The following LINGO2 variants were observed in gnomAD, a reference collection of about 807,000 sequenced individuals.
LINGO2 encodes leucine-rich repeat and immunoglobulin-like domain-containing nogo receptor-interacting protein 2.
In LINGO2, 14 loss-of-function variants were observed where a neutral mutation model predicts 30.6. The ratio of observed to expected loss-of-function variants is 0.46; its 90% CI spans 0.30 to 0.72. The LOEUF (loss-of-function observed/expected upper bound fraction) is 0.72. Among genes scored for constraint, LINGO2 ranks in the 30% least tolerant of loss-of-function variants. The probability of loss-of-function intolerance (pLI) is 0.07; values close to 1 mark genes in which losing one functional copy is unlikely to be tolerated. For synonymous variants in LINGO2, 317 were observed against 288.5 expected (o/e 1.10, Z -1.00); for missense variants, 729 against 751.7 (o/e 0.97, Z 0.35).
chr9:28,948,250 T>C, the LINGO2 span, among the ~76,000 whole-genome samples: 1 of 152,112 alleles, frequency 6.6e-6, no homozygotes, highest in South Asian at 2.1e-4. Flanking sequence ...AGAAAAATAA[T>C]TTGAATATAT....
intron 1 of LINGO2, among the ~76,000 whole-genome samples, chr9:28,545,636 C>G (rs1181245168): frequency 6.6e-6 from 1 of 151,660 alleles, no homozygotes; most frequent in Non-Finnish European, 1.5e-5. Flanking sequence ...CTTGGTAGTA[C>G]AAGTGAAAGG....
the LINGO2 span, among the ~76,000 whole-genome samples, chr9:28,733,153 C>T: frequency 2.0e-5 from 3 of 152,098 alleles, no homozygotes; most frequent in Admixed American, 6.5e-5. Context: ...TTAACTTCAG[C>T]CTTAGAAATC....
At chr9:28,290,354 C>A (rs1823676811) in intron 4 of LINGO2, among the ~76,000 whole-genome samples, 1 of 152,162 alleles carries the variant, frequency 6.6e-6, no homozygotes, top group Non-Finnish European at 1.5e-5. Flanking sequence ...TACGCCTCAC[C>A]ATTGCAGTGC....
At chr9:28,699,042 A>AAAAAC in the LINGO2 span, among the ~76,000 whole-genome samples, 18,271 of 149,914 alleles carry the variant, frequency 0.12, 1,323 homozygotes, top group African/African-American at 0.2. Context: ...ACCCTGCCTC[A>AAAAAC]AAAACAAAAC....
At chr9:28,638,964 T>C (rs977908784) in intron 1 of LINGO2, among the ~76,000 whole-genome samples, 2 of 152,178 alleles carry the variant, frequency 1.3e-5, no homozygotes, top group Non-Finnish European at 2.9e-5. Context: ...TTTAGTGCTA[T>C]AAATTTCCTT....
intron 4 of LINGO2, among the ~76,000 whole-genome samples, chr9:28,294,329 C>T (rs1823848446): frequency 6.6e-6 from 1 of 152,148 alleles, no homozygotes; most frequent in Non-Finnish European, 1.5e-5. Flanking sequence ...ATAGAATAAT[C>T]TCCATCCATT....
At chr9:27,953,576 GATA>G (rs1375990645) in intron 5 of LINGO2, among the ~76,000 whole-genome samples, 1 of 152,062 alleles carries the variant, frequency 6.6e-6, no homozygotes, top group African/African-American at 2.4e-5. Context: ...CTGTTCTTGT[GATA>G]ATGAGAGTTC....
the LINGO2 span, among the ~76,000 whole-genome samples, chr9:29,124,192 A>G: frequency 6.6e-6 from 1 of 152,234 alleles, no homozygotes; most frequent in Admixed American, 6.5e-5. Flanking sequence ...TGATGCTGGG[A>G]TAACTGACTA....
chr9:28,366,011 C>G (rs1820657847), intron 3 of LINGO2, among the ~76,000 whole-genome samples: 2 of 152,072 alleles, frequency 1.3e-5, no homozygotes, highest in African/African-American at 4.8e-5. Flanking sequence ...AGAATTTCAC[C>G]CTTACTTTGA....
intron 4 of LINGO2, among the ~76,000 whole-genome samples, chr9:28,189,337 AAGGAAGGGAGGAAGGAAGGG>A (rs1819680545): frequency 4.9e-4 from 8 of 16,248 alleles, no homozygotes; most frequent in South Asian, 2.9e-3. Context: ...GGGAGGAAGG[AAGGAAGGGAGGAAGGAAGGG>A]AGGGAGGGAG....
At chr9:29,153,322 T>G in the LINGO2 span, among the ~76,000 whole-genome samples, 1 of 152,152 alleles carries the variant, frequency 6.6e-6, no homozygotes, top group Admixed American at 6.5e-5. Context: ...CAGAATTCAT[T>G]TTTTGTCAAG....
intron 4 of LINGO2, among the ~76,000 whole-genome samples, chr9:28,178,308 A>G (rs1828804470): frequency 6.6e-6 from 1 of 152,176 alleles, no homozygotes; most frequent in African/African-American, 2.4e-5. Flanking sequence ...TCTCACATGT[A>G]GGAAGAGGAA....
At chr9:28,243,198 C>T (rs144829630) in intron 4 of LINGO2, among the ~76,000 whole-genome samples, 3,388 of 152,122 alleles carry the variant, frequency 0.022, 119 homozygotes, top group African/African-American at 0.077. Context: ...TAGCTCACGC[C>T]TGTAATCCTA....
chr9:29,051,195 C>T, the LINGO2 span, among the ~76,000 whole-genome samples: 2 of 152,102 alleles, frequency 1.3e-5, no homozygotes, highest in African/African-American at 4.8e-5. Flanking sequence ...TGGTGTTATA[C>T]ATTCTACGGG....
the LINGO2 span, among the ~76,000 whole-genome samples, chr9:29,103,538 C>CTT: frequency 5.9e-5 from 9 of 151,638 alleles, no homozygotes; most frequent in African/African-American, 2.2e-4. Context: ...TATAATATTT[C>CTT]TTTTTTAAAA....
chr9:28,799,947 A>C, the LINGO2 span, among the ~76,000 whole-genome samples: 1 of 152,140 alleles, frequency 6.6e-6, no homozygotes, highest in South Asian at 2.1e-4. Context: ...ACCATTACAA[A>C]AAATAATCAT....
chr9:28,861,281 T>C, the LINGO2 span, among the ~76,000 whole-genome samples: 1 of 124,830 alleles, frequency 8.0e-6, no homozygotes, highest in Non-Finnish European at 1.6e-5. Context: ...AATATTTATA[T>C]ATTATATATT....
intron 4 of LINGO2, among the ~76,000 whole-genome samples, chr9:28,081,544 G>A (rs1363045820): frequency 6.6e-6 from 1 of 152,144 alleles, no homozygotes; most frequent in Non-Finnish European, 1.5e-5. Context: ...TACAATTTAT[G>A]GTCACTTTGA....
At chr9:28,734,867 A>G in the LINGO2 span, among the ~76,000 whole-genome samples, 1 of 152,176 alleles carries the variant, frequency 6.6e-6, no homozygotes, top group Admixed American at 6.5e-5. Flanking sequence ...TATCTAATGT[A>G]GAATTTCATA....
Sources: gnomAD v4.1 joint callset for allele counts (sites outside exome capture counted in the v4.1 genomes callset) on GRCh38, gnomAD v4.1.1 for gene constraint, MANE v1.5 for transcripts, NCBI Gene and HGNC (gene_info 2026-07-23, HGNC 2026-07-21) for gene names.